Variants in ITGA8 observed in about 807,000 individuals in gnomAD.
The protein encoded by ITGA8 is integrin alpha-8.
ITGA8 carries 91 observed loss-of-function variants against 142.3 expected under a neutral mutation model. The observed-to-expected ratio is 0.64, with a 90% CI of 0.54 to 0.76. The LOEUF is 0.76. Among genes scored for constraint, ITGA8 ranks in the 30% least tolerant of loss-of-function variants. ITGA8 has a pLI of 0.00. For synonymous variants in ITGA8, 505 were observed against 485.2 expected, an observed-to-expected ratio of 1.04 and a Z score of -0.54; for missense variants, 1,406 against 1,327.7, an observed-to-expected ratio of 1.06 and a Z score of -0.92.
In ITGA8 at chr10:15,706,355, C is replaced by T. The variant is rs552368275; in HGVS notation, c.343+12411G>A. ...AATCCCAGCCATACTTCCCTTTCAC[C>T]GGAAAGGGAACGGTCTTCTACCTAG... On this transcript the variant is annotated intron_variant, in intron 2 of 29. Coordinates refer to ENST00000378076, the MANE Select transcript of ITGA8 (RefSeq NM_003638.3). Among the ~76,000 whole-genome samples, 19 of 152,226 alleles carry T rather than the reference C, an allele frequency of 1.2e-4. No homozygotes were observed. In the South Asian group the frequency reaches 1.5e-3, roughly 12 times the overall value.
chr10:15,553,369 T>C (rs1254321515), intron 26 of ITGA8, among the ~76,000 whole-genome samples: 2 of 152,032 alleles, frequency 1.3e-5, no homozygotes, highest in Admixed American at 6.6e-5. Context: ...AATGCTTCAT[T>C]TGACTTAAGT....
chr10:15,558,677 C>G (rs571475487), intron 25 of ITGA8, among the ~76,000 whole-genome samples: 2 of 152,136 alleles, frequency 1.3e-5, no homozygotes, highest in African/African-American at 4.8e-5. Context: ...GACCCCACAT[C>G]CACATGGCTG....
intron 6 of ITGA8, among the ~76,000 whole-genome samples, chr10:15,673,929 A>T (rs1023971412): frequency 6.6e-6 from 1 of 152,236 alleles, no homozygotes; most frequent in African/African-American, 2.4e-5. Flanking sequence ...ATGCATTCCC[A>T]TGTTTACCAT....
chr10:15,534,810 GCCC>G (rs1833385803), intron 27 of ITGA8, among the ~76,000 whole-genome samples: 1 of 152,218 alleles, frequency 6.6e-6, no homozygotes, highest in Non-Finnish European at 1.5e-5. Context: ...CATGCTGGCA[GCCC>G]TCACAGCCCT....
At chr10:15,672,536 A>G (rs960382200) in intron 7 of ITGA8, 88 bp downstream of exon 7, 8 of 1,438,538 alleles carry the variant, frequency 5.6e-6, no homozygotes, top group Non-Finnish European at 7.5e-6. Context: ...GCCAAATAAC[A>G]TCGGATAAGT....
At chr10:15,594,491 G>C (rs1226788258) in intron 21 of ITGA8, among the ~76,000 whole-genome samples, 2 of 152,046 alleles carry the variant, frequency 1.3e-5, no homozygotes, top group Non-Finnish European at 2.9e-5. Flanking sequence ...AATAAAAATT[G>C]CCAAAACAGG....
intron 13 of ITGA8, among the ~76,000 whole-genome samples, chr10:15,617,169 G>T (rs964210217): frequency 6.6e-6 from 1 of 152,152 alleles, no homozygotes; most frequent in Non-Finnish European, 1.5e-5. Context: ...GCCTTTTAAA[G>T]GATTTCCTTT....
chr10:15,588,866 C>T (rs900165894), intron 22 of ITGA8, among the ~76,000 whole-genome samples: 1 of 152,234 alleles, frequency 6.6e-6, no homozygotes. Context: ...GCAGCAAACT[C>T]TGAGTCCAGA....
Position 15,719,748 on chromosome 10 carries a change from A to T in ITGA8, c.24T>A (p.Gly8=), listed in dbSNP as rs56145228. The change falls in exon 1 of 30, where the codon GGT becomes GGA. Residue 8 remains glycine, a synonymous_variant. Coordinates refer to ENST00000378076, the MANE Select transcript of ITGA8 (RefSeq NM_003638.3). ...TCAGCGGCGCCTGGCTTCCCCGGGG[A>T]CCGCGGCTGGCCCCGGGCGACATCT... MSPGASR[G]PRGSQAPLIA... The T allele has an allele frequency of 5.4e-3, 7,303 of 1,357,480 alleles. 309 individuals carry two copies. The African/African-American group carries it at 0.098, about 18-fold the overall frequency. The allele number at this position is 1,357,480 out of a possible 1,614,324, so 84.1% of individuals were successfully genotyped here.
intron 26 of ITGA8, among the ~76,000 whole-genome samples, chr10:15,550,258 C>A (rs1374341882): frequency 6.6e-6 from 1 of 152,158 alleles, no homozygotes; most frequent in East Asian, 1.9e-4. Context: ...GCCCATTAAG[C>A]CTCTTTTTCT....
intron 27 of ITGA8, among the ~76,000 whole-genome samples, chr10:15,540,052 C>T (rs998596906): frequency 2.6e-5 from 4 of 152,134 alleles, no homozygotes; most frequent in Non-Finnish European, 5.9e-5. Flanking sequence ...GCCTCCCCAG[C>T]CATGTGGAAC....
chr10:15,531,195 T>C, intron 27 of ITGA8, 44 bp from the exon 28 acceptor site: 1 of 1,089,688 alleles, frequency 9.2e-7, no homozygotes, highest in Non-Finnish European at 1.3e-6. Flanking sequence ...ATATAAAGTT[T>C]TTAAGAGTTA....
intron 11 of ITGA8, 78 bp downstream of exon 11, chr10:15,655,276 G>A: frequency 1.0e-6 from 1 of 975,382 alleles, no homozygotes; most frequent in Non-Finnish European, 1.6e-6. Context: ...AAGGAAGGGT[G>A]TATTTTGTGA....
At chr10:15,635,922 C>CAA (rs2131638316) in intron 13 of ITGA8, among the ~76,000 whole-genome samples, 1 of 142,400 alleles carries the variant, frequency 7.0e-6, no homozygotes, top group Admixed American at 7.0e-5. Flanking sequence ...TTATACTACA[C>CAA]ACACACACAC....
chr10:15,643,049 C>G (rs1833899231), intron 13 of ITGA8, among the ~76,000 whole-genome samples: 3 of 152,206 alleles, frequency 2.0e-5, no homozygotes, highest in Admixed American at 6.5e-5. Flanking sequence ...ACCAAGAAGT[C>G]TGATGTTCTC....
chr10:15,660,640 T>C (rs1368810444), intron 9 of ITGA8, among the ~76,000 whole-genome samples: 1 of 152,208 alleles, frequency 6.6e-6, no homozygotes, highest in African/African-American at 2.4e-5. Flanking sequence ...ATGCTCTTAC[T>C]TGAGATATGA....
At chr10:15,677,763 A>G in intron 5 of ITGA8, 126 bp from the exon 6 acceptor site, 1 of 766,172 alleles carries the variant, frequency 1.3e-6, no homozygotes, top group African/African-American at 1.8e-5. Context: ...AGCAATTTTT[A>G]AAAGAGATCC....
At chr10:15,566,559 C>T (rs1335679845) in intron 25 of ITGA8, among the ~76,000 whole-genome samples, 1 of 151,988 alleles carries the variant, frequency 6.6e-6, no homozygotes, top group Non-Finnish European at 1.5e-5. Context: ...GCCTGTAATC[C>T]CAGCACTTTG....
intron 24 of ITGA8, among the ~76,000 whole-genome samples, chr10:15,572,628 C>T (rs777445118): frequency 5.3e-5 from 8 of 152,190 alleles, no homozygotes; most frequent in Non-Finnish European, 1.2e-4. Flanking sequence ...CCATACTACC[C>T]TTGTCTGATA....
Sources: allele counts gnomAD v4.1 joint callset (sites outside exome capture counted in the v4.1 genomes callset), GRCh38; gene constraint gnomAD v4.1.1; transcripts MANE v1.5; gene names NCBI Gene and HGNC (gene_info 2026-07-23, HGNC 2026-07-21).